Variants in PREX1 observed in about 807,000 individuals in gnomAD.
The protein encoded by PREX1 is phosphatidylinositol 3,4,5-trisphosphate-dependent Rac exchanger 1 protein.
Under a neutral mutation model 198.3 loss-of-function variants are expected in PREX1, and 41 were observed. The ratio of observed to expected loss-of-function variants is 0.21; its 90% CI spans 0.16 to 0.27. The LOEUF is 0.27. Ranked by LOEUF, PREX1 falls within the 10% of genes least tolerant of loss-of-function variation. PREX1 has a pLI of 1.00. For missense variants in PREX1, 1,620 were observed against 2,200.7 expected (o/e 0.74, Z 5.28); for synonymous variants, 843 against 887.2 (o/e 0.95, Z 0.89).
intron 5 of PREX1, among the ~76,000 whole-genome samples, chr20:48,713,744 T>C (rs1470830635): frequency 8.1e-6 from 1 of 123,564 alleles, no homozygotes; most frequent in African/African-American, 4.1e-5. Flanking sequence ...CTATTATCTC[T>C]TTTAAAAAAA....
At chr20:48,814,749 C>A (rs1170069821) in intron 1 of PREX1, among the ~76,000 whole-genome samples, 2 of 152,102 alleles carry the variant, frequency 1.3e-5, no homozygotes, top group South Asian at 2.1e-4. Context: ...TGTTAATGTC[C>A]GTAGCAAACA....
At chr20:48,677,261 C>T (rs985793979) in intron 13 of PREX1, among the ~76,000 whole-genome samples, 4 of 152,138 alleles carry the variant, frequency 2.6e-5, no homozygotes, top group Non-Finnish European at 4.4e-5. Flanking sequence ...CCCAGGAGGG[C>T]GGAGGCAGGA....
At chr20:48,748,848 A>G (rs1484285898) in intron 1 of PREX1, among the ~76,000 whole-genome samples, 1 of 152,240 alleles carries the variant, frequency 6.6e-6, no homozygotes, top group Non-Finnish European at 1.5e-5. Context: ...TAATGAAGCC[A>G]GAAATTAGAA....
intron 18 of PREX1, 68 bp downstream of exon 18, chr20:48,656,971 AC>A: frequency 6.6e-7 from 1 of 1,510,590 alleles, no homozygotes; most frequent in African/African-American, 1.4e-5. Flanking sequence ...AGTTCATGCC[AC>A]CCCAGCCCTC....
the PREX1 span, among the ~76,000 whole-genome samples, chr20:48,866,759 T>C: frequency 6.6e-6 from 1 of 152,044 alleles, no homozygotes; most frequent in African/African-American, 2.4e-5. Context: ...AAAATCCATC[T>C]CTACCCCCAA....
intron 2 of PREX1, 100 bp downstream of exon 2, chr20:48,747,709 G>T: frequency 7.6e-7 from 1 of 1,317,162 alleles, no homozygotes; most frequent in Non-Finnish European, 1.1e-6. Context: ...CGGGTGATGC[G>T]CCTCCCCCTG....
At chr20:48,742,452 C>T (rs1468792173) in intron 3 of PREX1, among the ~76,000 whole-genome samples, 1 of 152,074 alleles carries the variant, frequency 6.6e-6, no homozygotes, top group African/African-American at 2.4e-5. Context: ...TCCCAGGATC[C>T]CAGAGCAAGG....
chr20:48,831,420 C>T (rs973040545), upstream of PREX1, among the ~76,000 whole-genome samples: 1 of 152,160 alleles, frequency 6.6e-6, no homozygotes, highest in Admixed American at 6.6e-5. Flanking sequence ...CTATAAGTGT[C>T]GGCCACAAGC....
chr20:48,828,853 C>T (rs2090526345), upstream of PREX1, among the ~76,000 whole-genome samples: 1 of 152,350 alleles, frequency 6.6e-6, no homozygotes, highest in Admixed American at 6.5e-5. Context: ...TTGGGAAACC[C>T]AGCTTCTTGT....
intron 3 of PREX1, among the ~76,000 whole-genome samples, chr20:48,735,005 G>C (rs2090050890): frequency 6.6e-6 from 1 of 151,984 alleles, no homozygotes; most frequent in African/African-American, 2.4e-5. Context: ...TTATCTGTAA[G>C]GTAGAGTTAA....
intron 7 of PREX1, among the ~76,000 whole-genome samples, chr20:48,694,181 G>A (rs1042507846): frequency 1.3e-5 from 2 of 152,074 alleles, no homozygotes; most frequent in Non-Finnish European, 2.9e-5. Context: ...CAAAGTCTTG[G>A]GATTACAGGT....
intron 1 of PREX1, among the ~76,000 whole-genome samples, chr20:48,765,078 C>T (rs1275425071): frequency 6.6e-6 from 1 of 152,198 alleles, no homozygotes; most frequent in East Asian, 1.9e-4. Context: ...GCACAAGAAA[C>T]TAATACGACT....
At chr20:48,821,553 C>T (rs2090485000) in intron 1 of PREX1, 2 of 152,300 alleles carry the variant, frequency 1.3e-5, no homozygotes, top group Non-Finnish European at 2.9e-5. Flanking sequence ...TTCTAGCCAG[C>T]ATGCCTGTGT....
intron 1 of PREX1, among the ~76,000 whole-genome samples, chr20:48,757,625 A>G (rs1370150811): frequency 1.3e-5 from 2 of 152,200 alleles, no homozygotes; most frequent in African/African-American, 4.8e-5. Context: ...GCTTGTAAAT[A>G]ACTTGTTGCC....
Position 48,747,897 on chromosome 20 carries a change from G to T in PREX1, c.220-17C>A. On this transcript the variant is annotated splice_polypyrimidine_tract_variant and intron_variant, in intron 1 of 39. Transcript: ENST00000371941. ...CAGGAATGCCTGGAGGAGAGAAGCA[G>T]AGAGAGGTGAGTGTCCGCGTCTCCA... 1 of 1,606,606 alleles carries T rather than the reference G, an allele frequency of 6.2e-7. No individual in the cohort carries two copies.
At chr20:48,662,382 C>T (rs2089603667) in intron 15 of PREX1, among the ~76,000 whole-genome samples, 1 of 152,246 alleles carries the variant, frequency 6.6e-6, no homozygotes, top group Non-Finnish European at 1.5e-5. Context: ...CAATACCTTT[C>T]CCTCGAGGCT....
chr20:48,661,480 TATATA>T (rs1470642597), intron 15 of PREX1, among the ~76,000 whole-genome samples: 68 of 111,046 alleles, frequency 6.1e-4, no homozygotes, highest in African/African-American at 1.4e-3. Flanking sequence ...CACACACATA[TATATA>T]ATATAATATA....
At chr20:48,735,267 G>A (rs1245741741) in intron 3 of PREX1, among the ~76,000 whole-genome samples, 1 of 152,186 alleles carries the variant, frequency 6.6e-6, no homozygotes, top group Non-Finnish European at 1.5e-5. Flanking sequence ...GCGTGGGTGA[G>A]GTCACTGGAG....
At chr20:48,632,705 C>A in intron 33 of PREX1, 66 bp from the exon 34 acceptor site, 4 of 1,572,388 alleles carry the variant, frequency 2.5e-6, no homozygotes. Flanking sequence ...CCCTGGCACA[C>A]CTCTCCAGAA....
Sources: gnomAD v4.1 joint callset for allele counts (sites outside exome capture counted in the v4.1 genomes callset) on GRCh38, gnomAD v4.1.1 for gene constraint, MANE v1.5 for transcripts, NCBI Gene and HGNC (gene_info 2026-07-23, HGNC 2026-07-21) for gene names.